The following CYP2U1 variants were observed in gnomAD, a reference collection of about 807,000 sequenced individuals.
The protein encoded by CYP2U1 is cytochrome P450 2U1.
CYP2U1 carries 28 observed loss-of-function variants against 42.8 expected under a neutral mutation model. The observed-to-expected ratio is 0.65, with a 90% CI of 0.48 to 0.90. The LOEUF (loss-of-function observed/expected upper bound fraction) is 0.90, where lower values mean the gene tolerates loss of function less well. CYP2U1 is among the 40% of genes least tolerant of loss of function. CYP2U1 has a pLI of 0.00. For missense variants in CYP2U1, 642 were observed against 693.8 expected (o/e 0.93, Z 0.84); for synonymous variants, 296 against 278.9 (o/e 1.06, Z -0.61).
intron 1 of CYP2U1, chr4:107,935,557 A>G (rs192817266): frequency 3.3e-5 from 5 of 152,374 alleles, no homozygotes; most frequent in African/African-American, 9.6e-5. Context: ...AGATCATCTG[A>G]ATAAGAAAGT....
Position 107,931,891 on chromosome 4 carries a change from G to A in CYP2U1, c.248G>A (p.Arg83Gln). Reference sequence around the variant, plus strand: ...GTGCTGCTGCCTCCCTTCCTCCGGCGGCGGAGCTGGCTGAGCAGCAGGACC... The same window carrying A: ...GTGCTGCTGCCTCCCTTCCTCCGGCAGCGGAGCTGGCTGAGCAGCAGGACC... ...GHVLLPPFLR[R>Q]RSWLSSRTRA... Residue 83 changes from arginine to glutamine, a missense_variant, in exon 1 of 5, where the codon CGG becomes CAG. Arg to Gln is a conservative substitution (Grantham distance 43, BLOSUM62 1). Coordinates refer to ENST00000332884, the MANE Select transcript of CYP2U1 (RefSeq NM_183075.3). 1 of 1,548,882 alleles carries A rather than the reference G, an allele frequency of 6.5e-7. No homozygotes were observed. Among genetic ancestry groups the A allele is most frequent in the East Asian group, 2.4e-5 (1 of 40,878 alleles).
chr4:107,941,447 T>C (rs1051718609), intron 1 of CYP2U1, among the ~76,000 whole-genome samples: 1 of 152,114 alleles, frequency 6.6e-6, no homozygotes, highest in Non-Finnish European at 1.5e-5. Context: ...ATTGGACATA[T>C]AGAGAGGACA....
intron 1 of CYP2U1, among the ~76,000 whole-genome samples, chr4:107,942,690 G>A (rs1733540488): frequency 6.6e-6 from 1 of 152,050 alleles, no homozygotes; most frequent in Non-Finnish European, 1.5e-5. Context: ...GGTAGAGTGG[G>A]GACCCTTTGA....
intron 3 of CYP2U1, among the ~76,000 whole-genome samples, chr4:107,948,742 A>G (rs1414620332): frequency 6.6e-6 from 1 of 152,196 alleles, no homozygotes; most frequent in Non-Finnish European, 1.5e-5. Context: ...CTCTGGAGTC[A>G]GCCCATAGTA....
chr4:107,932,172 G>C, intron 1 of CYP2U1, 39 bp downstream of exon 1: 2 of 1,575,046 alleles, frequency 1.3e-6, no homozygotes, highest in Non-Finnish European at 1.7e-6. Context: ...CGCGGATGCC[G>C]CGGATGAGTC....
chr4:107,935,490 G>A (rs1372876728), intron 1 of CYP2U1: 1 of 152,174 alleles, frequency 6.6e-6, no homozygotes, highest in Admixed American at 6.5e-5. Context: ...GATAATGCAA[G>A]GCAAGAACCA....
At chr4:107,942,821 G>C (rs1449701868) in intron 1 of CYP2U1, among the ~76,000 whole-genome samples, 1 of 152,150 alleles carries the variant, frequency 6.6e-6, no homozygotes, top group African/African-American at 2.4e-5. Context: ...AAACTTAAAT[G>C]TGAAAACAAA....
At position 107,931,643 on chromosome 4, in the gene CYP2U1, C is replaced by A. The variant is rs1349965742; in HGVS notation, c.-1C>A. On this transcript the variant is annotated 5_prime_UTR_variant, in exon 1 of 5. Transcript: ENST00000332884. ...AACCCGAGGCCGCCGGCGCCCGGAC[C>A]ATGTCGTCTCCGGGGCCGTCGCAGC... 2.5e-5 allele frequency: 32 copies of A among 1,257,730 alleles called. No homozygotes were observed. Among genetic ancestry groups the A allele is most frequent in the East Asian group, 3.2e-5 (1 of 31,386 alleles). 77.9% of individuals were successfully genotyped at this position (1,257,730 alleles called of 1,614,324 possible). A position where few individuals can be genotyped will look rare whatever the true frequency, so the allele number is the denominator to read the frequency against.
chr4:107,931,832 C>T lies in CYP2U1; in HGVS notation c.189C>T (p.Pro63=). Residue 63 remains proline, a synonymous_variant, in exon 1 of 5, where the codon CCC becomes CCT. Transcript: ENST00000332884. Reference sequence around the variant, plus strand: ...GGGCGCGGGGCATCCCGCCCGGGCCCACGCCCTGGCCTCTGGTGGGCAACT... The same window carrying T: ...GGGCGCGGGGCATCCCGCCCGGGCCTACGCCCTGGCCTCTGGTGGGCAACT... ...RRRARGIPPG[P]TPWPLVGNFG... 3 of 1,535,180 alleles carry T rather than the reference C, an allele frequency of 2.0e-6. No homozygotes were observed. The highest frequency in any genetic ancestry group is 2.6e-6 in the Non-Finnish European group (3 of 1,139,018).
Position 107,932,064 on chromosome 4 carries a change from G to A in CYP2U1, c.421G>A (p.Val141Met), listed in dbSNP as rs1733012725. 2 of 1,589,724 alleles carry A rather than the reference G, an allele frequency of 1.3e-6. No homozygotes were observed. The highest frequency in any genetic ancestry group is 2.3e-5 in the East Asian group (1 of 43,228). Residue 141 changes from valine (V) to methionine (M), a missense_variant, in exon 1 of 5, where the codon GTG becomes ATG. By Grantham distance (21) the Val-to-Met change is conservative. Transcript: ENST00000332884. ...CTTCCACAGCGTGCGCGAGGCGCTG[G>A]TGCAGCAGGCCGAGGTCTTCAGCGA... ...SDFHSVREAL[V>M]QQAEVFSDRP...
Position 107,949,437 on chromosome 4 carries a change from C to G in CYP2U1, c.1376C>G (p.Pro459Arg). 6.2e-7 allele frequency: 1 copy of G among 1,611,294 alleles called. No individual in the cohort carries two copies. The highest frequency in any genetic ancestry group is 8.5e-7 in the Non-Finnish European group (1 of 1,178,474). The change falls in exon 4 of 5, where the codon CCG becomes CGG. Residue 459 changes from proline (P) to arginine (R), a missense_variant. By Grantham distance (103) the Pro-to-Arg change is moderately radical (BLOSUM62 -2). Transcript: ENST00000332884. Reference protein sequence around the residue: ...VHRDPAIWEKPEDFYPNRFLD... With the variant: ...VHRDPAIWEKREDFYPNRFLD... ...AGAGACCCAGCCATTTGGGAGAAACCGGAGGATTTCTACCCTAATCGATTT... is the reference window on the plus strand; with the variant it reads ...AGAGACCCAGCCATTTGGGAGAAACGGGAGGATTTCTACCCTAATCGATTT...
At chr4:107,948,592 AATC>A (rs367769005) in intron 3 of CYP2U1, among the ~76,000 whole-genome samples, 4 of 150,766 alleles carry the variant, frequency 2.7e-5, no homozygotes, top group South Asian at 2.1e-4. Flanking sequence ...TAATAATAAT[AATC>A]ATCATCATCA....
chr4:107,936,344 T>C (rs1733266071), intron 1 of CYP2U1: 1 of 152,270 alleles, frequency 6.6e-6, no homozygotes, highest in Admixed American at 6.5e-5. Flanking sequence ...ACTTAAAAGA[T>C]GACTAGGTCA....
At chr4:107,934,867 C>T (rs1370142066) in intron 1 of CYP2U1, among the ~76,000 whole-genome samples, 1 of 152,174 alleles carries the variant, frequency 6.6e-6, no homozygotes, top group Non-Finnish European at 1.5e-5. Flanking sequence ...TGGTCAATGC[C>T]CAGTACCACC....
rs1733863881 is a variant in CYP2U1 at position 107,950,275 on chromosome 4, C to G, written c.1487C>G (p.Ala496Gly). Residue 496 changes from alanine (A) to glycine (G), a missense_variant, in exon 5 of 5, where the codon GCA becomes GGA. Transcript: ENST00000332884. The stretch of plus-strand genomic sequence containing the variant: ...CGGGTGTGTATGGGAGAACAACTGG[C>G]AAAGATGGAATTATTCCTAATGTTT... Reference protein sequence around the residue: ...GKRVCMGEQLAKMELFLMFVS... With the variant: ...GKRVCMGEQLGKMELFLMFVS... 6.2e-7 allele frequency: 1 copy of G among 1,612,480 alleles called. No homozygotes were observed. Among genetic ancestry groups the G allele is most frequent in the African/African-American group, 1.3e-5 (1 of 74,778 alleles).
intron 3 of CYP2U1, among the ~76,000 whole-genome samples, chr4:107,948,292 G>A (rs28678015): frequency 0.34 from 50,556 of 147,356 alleles, 9,296 homozygotes; most frequent in East Asian, 0.68. Context: ...GGCTGGGTGC[G>A]GTGGCTCACA....
chr4:107,931,884 C>T lies in CYP2U1; in HGVS notation c.241C>T (p.Leu81Phe), dbSNP rs1409051157. 2.1e-5 allele frequency: 33 copies of T among 1,548,942 alleles called. No homozygotes were observed. Among genetic ancestry groups the T allele is most frequent in the Non-Finnish European group, 2.8e-5 (32 of 1,145,754 alleles). The change falls in exon 1 of 5, where the codon CTC becomes TTC. Residue 81 changes from leucine (L) to phenylalanine (F), a missense_variant. Physicochemically the swap from Leu to Phe is conservative, Grantham distance 22. Coordinates refer to ENST00000332884, the MANE Select transcript of CYP2U1 (RefSeq NM_183075.3). ...NFGHVLLPPF[L>F]RRRSWLSSRT... Reference sequence around the variant, plus strand: ...CGGTCACGTGCTGCTGCCTCCCTTCCTCCGGCGGCGGAGCTGGCTGAGCAG... The same window carrying T: ...CGGTCACGTGCTGCTGCCTCCCTTCTTCCGGCGGCGGAGCTGGCTGAGCAG...
rs1553937413 is a variant in CYP2U1 at position 107,944,839 on chromosome 4, C to CATACATATATATATATATATACATAT, written c.491-128_491-127insCATATATATATATATATACATATATA. The CATACATATATATATATATATACATAT allele has an allele frequency of 1.8e-3, 117 of 64,116 alleles. 9 individuals carry two copies. The highest frequency in any genetic ancestry group is 7.1e-3 in the African/African-American group (111 of 15,576). The allele number at this position is 64,116 out of a possible 1,614,324, so 4.0% of individuals were successfully genotyped here. A position where few individuals can be genotyped will look rare whatever the true frequency, so the allele number is the denominator to read the frequency against. Reference sequence around the variant, plus strand: ...TCTTGACTAGTGGTCTTTATATATACATATATATATATTTATATGAGGAAT... The same window carrying CATACATATATATATATATATACATAT: ...TCTTGACTAGTGGTCTTTATATATACATACATATATATATATATATACATATATATATATATATTTATATGAGGAAT... On this transcript the variant is annotated intron_variant, in intron 1 of 4. Transcript: ENST00000332884.
In CYP2U1 at chr4:107,947,528, G is replaced by C; in HGVS notation, c.1279G>C (p.Glu427Gln). 5.0e-6 allele frequency: 8 copies of C among 1,614,022 alleles called. No homozygotes were observed. The highest frequency in any genetic ancestry group is 6.8e-6 in the Non-Finnish European group (8 of 1,179,976). The change falls in exon 3 of 5, where the codon GAG (glutamate) becomes CAG (glutamine). Residue 427 changes from glutamate to glutamine, a missense_variant. Transcript: ENST00000332884. ...GCTTGCCATTCCTCATATGACCTCA[G>C]AGAACACAGGCAAGTCCAGGGTCTT... is the stretch of plus-strand genomic sequence containing the variant. ...VPLAIPHMTS[E>Q]NTVLQGYTIP...
Sources: gnomAD v4.1 joint callset for allele counts (sites outside exome capture counted in the v4.1 genomes callset) on GRCh38, gnomAD v4.1.1 for gene constraint, MANE v1.5 for transcripts, NCBI Gene and HGNC (gene_info 2026-07-23, HGNC 2026-07-21) for gene names.